Variants in BNC2 observed in about 807,000 individuals in gnomAD.
The protein encoded by BNC2 is basonuclin zinc finger protein 2, also known as zinc finger protein basonuclin-2.
Under a neutral mutation model 76.3 loss-of-function variants are expected in BNC2, and 20 were observed. The observed-to-expected ratio is 0.26, with a 90% CI of 0.18 to 0.38. The LOEUF (loss-of-function observed/expected upper bound fraction) is 0.38, where lower values mean the gene tolerates loss of function less well. Ranked by LOEUF, BNC2 falls within the 10% of genes least tolerant of loss-of-function variation. BNC2 has a pLI of 1.00. For synonymous variants in BNC2, 582 were observed against 514.8 expected (o/e 1.13, Z -1.77); for missense variants, 1,382 against 1,399.8 (o/e 0.99, Z 0.20).
intron 5 of BNC2, among the ~76,000 whole-genome samples, chr9:16,461,880 C>T (rs1467649512): frequency 6.6e-6 from 1 of 152,230 alleles, no homozygotes; most frequent in Non-Finnish European, 1.5e-5. Context: ...GCTCACTTCT[C>T]ATGTGCATGC....
chr9:16,598,800 C>G (rs1820164485), intron 3 of BNC2, among the ~76,000 whole-genome samples: 1 of 152,170 alleles, frequency 6.6e-6, no homozygotes, highest in Non-Finnish European at 1.5e-5. Context: ...GGCACTGGCT[C>G]ACAGGCAGTG....
chr9:16,809,647 G>A (rs986099017), intron 1 of BNC2, among the ~76,000 whole-genome samples: 4 of 151,866 alleles, frequency 2.6e-5, no homozygotes, highest in South Asian at 2.1e-4. Flanking sequence ...GTGTGGTGGC[G>A]CGTGCCTGTA....
chr9:16,758,995 G>C (rs2135362717), intron 1 of BNC2, among the ~76,000 whole-genome samples: 1 of 152,240 alleles, frequency 6.6e-6, no homozygotes, highest in African/African-American at 2.4e-5. Context: ...TATAAACACA[G>C]ATTCCTAAGG....
At chr9:16,462,608 G>C (rs377457445) in intron 5 of BNC2, among the ~76,000 whole-genome samples, 25 of 152,260 alleles carry the variant, frequency 1.6e-4, no homozygotes, top group African/African-American at 5.8e-4. Context: ...CACACACGAA[G>C]GGCTTTACTT....
In BNC2 at chr9:16,410,387, A is replaced by C. The variant is rs1194313336; in HGVS notation, c.*8602T>G. 1 of 152,584 alleles carries C rather than the reference A, an allele frequency of 6.6e-6. No homozygotes were observed. The highest frequency in any genetic ancestry group is 2.4e-5 in the African/African-American group (1 of 41,416). 9.5% of individuals were successfully genotyped at this position (152,584 alleles called of 1,614,324 possible). On this transcript the variant is annotated 3_prime_UTR_variant, in exon 7 of 7. Transcript: ENST00000380672. ...GAAAAGCCCAGGTCGTCTCAAGCCCAAGTCTTCTCCCCATTTCTCGACCGT... is the reference window on the plus strand; with the variant it reads ...GAAAAGCCCAGGTCGTCTCAAGCCCCAGTCTTCTCCCCATTTCTCGACCGT...
intron 1 of BNC2, among the ~76,000 whole-genome samples, chr9:16,815,530 C>T (rs1021219621): frequency 3.3e-5 from 5 of 152,160 alleles, no homozygotes; most frequent in Non-Finnish European, 7.4e-5. Flanking sequence ...TCCCTAAGAT[C>T]TGGGATCTAA....
intron 5 of BNC2, among the ~76,000 whole-genome samples, chr9:16,504,699 C>A (rs1459832319): frequency 6.6e-6 from 1 of 151,986 alleles, no homozygotes; most frequent in African/African-American, 2.4e-5. Context: ...ACTGTGGAAC[C>A]AGCCAGGCAC....
chr9:16,685,660 T>C lies in BNC2; in HGVS notation c.330+42137A>G, dbSNP rs552183728. The C allele has an allele frequency of 6.4e-5, 82 of 1,285,974 alleles. No individual in the cohort carries two copies. In the African/African-American group the frequency reaches 1.2e-3, roughly 19 times the overall value. The allele number at this position is 1,285,974 out of a possible 1,614,324, so 79.7% of individuals were successfully genotyped here. On this transcript the variant is annotated intron_variant, in intron 3 of 6. Transcript: ENST00000380672. ...GAATACAGCCACGTTAGATGCTGTG[T>C]ATGGAGGCTGCTGAGAACTGCACAC...
At chr9:16,700,511 T>C (rs547189804) in intron 3 of BNC2, among the ~76,000 whole-genome samples, 298 of 152,254 alleles carry the variant, frequency 2.0e-3, no homozygotes, top group Middle Eastern at 0.01. Flanking sequence ...ACCCTGTCTG[T>C]GCTGCGCAAG....
chr9:16,477,180 C>A (rs1248626997), intron 5 of BNC2, among the ~76,000 whole-genome samples: 3 of 152,166 alleles, frequency 2.0e-5, no homozygotes, highest in Admixed American at 6.5e-5. Flanking sequence ...TCACTTGAGG[C>A]CAGGAGCTGG....
chr9:16,490,214 G>A (rs1413412519), intron 5 of BNC2, among the ~76,000 whole-genome samples: 2 of 152,152 alleles, frequency 1.3e-5, no homozygotes, highest in African/African-American at 2.4e-5. Flanking sequence ...AGTTCCACAT[G>A]GCTGGGGAGG....
intron 3 of BNC2, among the ~76,000 whole-genome samples, chr9:16,708,820 T>G (rs904272914): frequency 3.3e-5 from 5 of 152,166 alleles, no homozygotes; most frequent in African/African-American, 9.7e-5. Flanking sequence ...ATCAGGCAGC[T>G]GGCCTGAGAT....
intron 5 of BNC2, among the ~76,000 whole-genome samples, chr9:16,539,165 A>G (rs1818223510): frequency 6.6e-6 from 1 of 152,054 alleles, no homozygotes; most frequent in Non-Finnish European, 1.5e-5. Context: ...GAATAAATAC[A>G]TTTTCCTGAA....
chr9:16,605,871 C>T (rs1228517741), intron 3 of BNC2, among the ~76,000 whole-genome samples: 1 of 148,776 alleles, frequency 6.7e-6, no homozygotes, highest in Admixed American at 6.7e-5. Flanking sequence ...TCACTGTAAC[C>T]TTAACCCTCC....
chr9:16,822,227 C>T (rs1242463631), intron 1 of BNC2, among the ~76,000 whole-genome samples: 2 of 151,162 alleles, frequency 1.3e-5, no homozygotes, highest in Non-Finnish European at 2.9e-5. Context: ...GTTATAACAA[C>T]AGTAATTATT....
chr9:16,514,511 A>G (rs891944771), intron 5 of BNC2, among the ~76,000 whole-genome samples: 1 of 151,898 alleles, frequency 6.6e-6, no homozygotes, highest in Non-Finnish European at 1.5e-5. Flanking sequence ...AAAAGGGGGG[A>G]AAAATACTGG....
intron 1 of BNC2, among the ~76,000 whole-genome samples, chr9:16,835,109 C>T (rs774483899): frequency 9.2e-5 from 14 of 152,166 alleles, no homozygotes; most frequent in Non-Finnish European, 1.8e-4. Flanking sequence ...GTGCAAATAT[C>T]AACACTGTCC....
rs113849989 is a variant in BNC2 at position 16,763,308 on chromosome 9, A to G, written c.4-24823T>C. On this transcript the variant is annotated intron_variant, in intron 1 of 6. Coordinates refer to ENST00000380672, the MANE Select transcript of BNC2 (RefSeq NM_017637.6). ...TTCAGGGTCAGGCATGGTGGCTCAC[A>G]CGTATATTCCCAGCATTTTTGGAGG... 1.7e-3 allele frequency among the ~76,000 whole-genome samples: 261 copies of G among 152,252 alleles called. 1 individual carries two copies. Among genetic ancestry groups the G allele is most frequent in the African/African-American group, 6.0e-3 (248 of 41,536 alleles).
intron 1 of BNC2, among the ~76,000 whole-genome samples, chr9:16,819,555 C>G (rs747992109): frequency 2.6e-5 from 4 of 151,836 alleles, no homozygotes; most frequent in African/African-American, 9.7e-5. Context: ...TCCAGCTACT[C>G]AGGAGGCAGC....
Sources: allele counts gnomAD v4.1 joint callset (sites outside exome capture counted in the v4.1 genomes callset), GRCh38; gene constraint gnomAD v4.1.1; transcripts MANE v1.5; gene names NCBI Gene and HGNC (gene_info 2026-07-23, HGNC 2026-07-21).